DZIP1: variants seen among roughly 807,000 people sequenced by gnomAD.
DZIP1 encodes the protein DAZ interacting zinc finger protein 1.
A neutral mutation model predicts 107.6 loss-of-function variants in DZIP1; 97 were observed. The observed-to-expected ratio is 0.90, with a 90% CI of 0.77 to 1.07. The LOEUF (loss-of-function observed/expected upper bound fraction) is 1.07. DZIP1 is among the 50% of genes least tolerant of loss of function. The probability of loss-of-function intolerance (pLI) is 0.00; values close to 1 mark genes in which losing one functional copy is unlikely to be tolerated. For missense variants in DZIP1, 1,035 were observed against 1,063.6 expected (o/e 0.97, Z 0.37); for synonymous variants, 390 against 386.4 (o/e 1.01, Z -0.11).
intron 8 of DZIP1, among the ~76,000 whole-genome samples, chr13:95,624,520 A>G (rs1243508535): frequency 1.3e-5 from 2 of 152,238 alleles, no homozygotes; most frequent in East Asian, 1.9e-4. Context: ...AGGGACCATC[A>G]TAGAAGAGGG....
rs769986451 is a variant in DZIP1, at chr13:95,622,442, C to T, written c.1011G>A (p.Lys337=). The change falls in exon 9 of 23, where the codon AAG becomes AAA. Residue 337 remains lysine (K), a synonymous_variant. Transcript: ENST00000376829. ...CATCTTTTAATGTGCCTATGTTGGACTTGATCTGCATATTGGACTTCTGGA... is the reference window on the plus strand; with the variant it reads ...CATCTTTTAATGTGCCTATGTTGGATTTGATCTGCATATTGGACTTCTGGA... ...SEIQKSNMQI[K]SNIGTLKDAH... is the part of the protein sequence containing the mutation. 5.0e-6 allele frequency: 8 copies of T among 1,614,056 alleles called. No individual in the cohort carries two copies. The highest frequency in any genetic ancestry group is 1.7e-5 in the Admixed American group (1 of 60,004).
intron 16 of DZIP1, among the ~76,000 whole-genome samples, chr13:95,591,470 C>T (rs555246980): frequency 2.6e-5 from 4 of 152,192 alleles, no homozygotes; most frequent in Non-Finnish European, 5.9e-5. Flanking sequence ...ACAGCTACCT[C>T]CCATCTTTGT....
Position 95,590,023 on chromosome 13 carries a change from T to C in DZIP1, c.1844-91A>G. 6 of 1,462,170 alleles carry C rather than the reference T, an allele frequency of 4.1e-6. No homozygotes were observed. The South Asian group carries it at 4.1e-5, about 10-fold the overall frequency. The allele number at this position is 1,462,170 out of a possible 1,614,324, so 90.6% of individuals were successfully genotyped here. A position where few individuals can be genotyped will look rare whatever the true frequency, so the allele number is the denominator to read the frequency against. On this transcript the variant is annotated intron_variant, in intron 17 of 22. Transcript: ENST00000376829. ...AACGGTATAATACCCCCTATGCTGCTGTGGCAATGAACAATCCCATCTCTA... is the reference window on the plus strand; with the variant it reads ...AACGGTATAATACCCCCTATGCTGCCGTGGCAATGAACAATCCCATCTCTA...
intron 8 of DZIP1, among the ~76,000 whole-genome samples, chr13:95,623,183 G>GT (rs1171823610): frequency 6.6e-6 from 1 of 152,100 alleles, no homozygotes; most frequent in South Asian, 2.1e-4. Context: ...GGGACATAAC[G>GT]TTTTTAATTT....
chr13:95,610,409 C>G (rs865793792), intron 12 of DZIP1, among the ~76,000 whole-genome samples: 2 of 151,556 alleles, frequency 1.3e-5, no homozygotes, highest in South Asian at 2.1e-4. Context: ...TTTCTGGGCT[C>G]GAGTGATTCT....
At chr13:95,638,805 G>A (rs1878143601) in intron 5 of DZIP1, among the ~76,000 whole-genome samples, 2 of 152,316 alleles carry the variant, frequency 1.3e-5, no homozygotes, top group South Asian at 4.1e-4. Flanking sequence ...AAAGCAAAGG[G>A]AGTAGAGACA....
chr13:95,633,471 T>C (rs1166249315), intron 5 of DZIP1, 150 bp from the exon 6 acceptor site: 2 of 638,028 alleles, frequency 3.1e-6, no homozygotes, highest in Admixed American at 2.8e-5. Flanking sequence ...TCACCCAAGG[T>C]TAGAAGTTTG....
rs563849089 is a variant in DZIP1, at chr13:95,610,861, C to T, written c.1363+584G>A. 3.4e-4 allele frequency among the ~76,000 whole-genome samples: 52 copies of T among 152,296 alleles called. No homozygotes were observed. In the East Asian group the frequency reaches 8.7e-3, roughly 25 times the overall value. On this transcript the variant is annotated intron_variant, in intron 12 of 22. Transcript: ENST00000376829. Reference sequence around the variant, plus strand: ...GTTTGACCCAATTTCCTTTCTCTGTCTCATGCATTAGCTGGCCAGGTGATG... The same window carrying T: ...GTTTGACCCAATTTCCTTTCTCTGTTTCATGCATTAGCTGGCCAGGTGATG...
chr13:95,601,491 T>C (rs1462712243), intron 14 of DZIP1, among the ~76,000 whole-genome samples: 1 of 152,166 alleles, frequency 6.6e-6, no homozygotes, highest in African/African-American at 2.4e-5. Flanking sequence ...GTCCTCTAAC[T>C]AGCCCTGCCC....
chr13:95,592,553 C>A (rs1789038522), intron 16 of DZIP1, among the ~76,000 whole-genome samples: 1 of 152,182 alleles, frequency 6.6e-6, no homozygotes, highest in African/African-American at 2.4e-5. Flanking sequence ...TGAGTTGGTA[C>A]AAGGACTTTG....
At position 95,609,471 on chromosome 13, in the gene DZIP1, G is replaced by A; in HGVS notation, c.1406C>T (p.Ala469Val). 6.3e-7 allele frequency: 1 copy of A among 1,580,080 alleles called. No homozygotes were observed. Among genetic ancestry groups the A allele is most frequent in the Non-Finnish European group, 8.6e-7 (1 of 1,163,866 alleles). Residue 469 changes from alanine to valine, a missense_variant, in exon 13 of 23, where the codon GCT (alanine) becomes GTT (valine). By Grantham distance (64) the Ala-to-Val change is moderately conservative. Transcript: ENST00000376829. The stretch of plus-strand genomic sequence containing the variant: ...TAGGAACTTACTAGGCACAGCTGGA[G>A]CAGCTGGCTGAGATTCAAAAGCCTG... ...AWQAFESQPAAPAVPMNAPAL... is the reference protein window; with the variant it reads ...AWQAFESQPAVPAVPMNAPAL...
rs544141050 is a variant in DZIP1, at chr13:95,641,172, CTG to C, written c.597+121_597+122del. The C allele has an allele frequency of 1.3e-3, 1,773 of 1,361,954 alleles. 4 individuals carry two copies. Among genetic ancestry groups the C allele is most frequent in the Non-Finnish European group, 1.6e-3 (1,604 of 1,018,688 alleles). The allele number at this position is 1,361,954 out of a possible 1,614,324, so 84.4% of individuals were successfully genotyped here. ...AAATGACTGTTTTTGCTTAAATATACTGTGTCTTCTGATATACAATATAAATC... is the reference window on the plus strand; with the variant it reads ...AAATGACTGTTTTTGCTTAAATATACTGTCTTCTGATATACAATATAAATC... On this transcript the variant is annotated intron_variant, in intron 5 of 22. Transcript: ENST00000376829. This position sits in a 1 kb window ranked among gnomAD's most constrained non-coding sequence, Gnocchi z 4.3.
chr13:95,604,359 C>G (rs1363339930), intron 14 of DZIP1, among the ~76,000 whole-genome samples: 2 of 152,238 alleles, frequency 1.3e-5, no homozygotes, highest in East Asian at 3.8e-4. Flanking sequence ...GGGAAGCTGG[C>G]CTGACGGGGT....
At chr13:95,601,794 T>TC in intron 14 of DZIP1, among the ~76,000 whole-genome samples, 1 of 152,296 alleles carries the variant, frequency 6.6e-6, no homozygotes, top group South Asian at 2.1e-4. Context: ...GCCACCGCTG[T>TC]CCACCCATTA....
intron 10 of DZIP1, chr13:95,617,877 T>C (rs753141668): frequency 7.7e-6 from 4 of 518,452 alleles, no homozygotes; most frequent in Middle Eastern, 3.2e-4. Context: ...ACTGGTTCCA[T>C]AGAGTGGGCC....
intron 15 of DZIP1, among the ~76,000 whole-genome samples, chr13:95,598,792 A>C (rs1316498056): frequency 2.0e-5 from 3 of 152,130 alleles, no homozygotes; most frequent in Admixed American, 1.3e-4. Context: ...AATTGACAGA[A>C]AATAATTTTT....
Position 95,579,607 on chromosome 13 carries a change from G to A in DZIP1, c.*2627C>T, listed in dbSNP as rs772212309. On this transcript the variant is annotated 3_prime_UTR_variant, in exon 23 of 23. Transcript: ENST00000376829. The stretch of plus-strand genomic sequence containing the variant: ...GTTATCTTTGAGTAAGAAACTGTCC[G>A]ATATGAATCACAACGTGGGTGAATG... 18 of 152,222 alleles carry A rather than the reference G, an allele frequency of 1.2e-4. No individual in the cohort carries two copies. The highest frequency in any genetic ancestry group is 1.9e-4 in the East Asian group (1 of 5,182). 9.4% of individuals were successfully genotyped at this position (152,222 alleles called of 1,614,324 possible).
At chr13:95,636,928 G>A (rs896891573) in intron 5 of DZIP1, 6 of 152,020 alleles carry the variant, frequency 3.9e-5, no homozygotes, top group Admixed American at 3.9e-4. Context: ...TAGGCTTCAA[G>A]CAGAAAGAAG....
At chr13:95,592,530 G>A (rs575640004) in intron 16 of DZIP1, among the ~76,000 whole-genome samples, 11 of 152,282 alleles carry the variant, frequency 7.2e-5, no homozygotes, top group East Asian at 5.8e-4. Context: ...CTCAAACACC[G>A]TTAGGGACAG....
Sources: gnomAD v4.1 joint callset for allele counts (sites outside exome capture counted in the v4.1 genomes callset) on GRCh38, gnomAD v4.1.1 for gene constraint, Gnocchi (gnomAD v3.1) non-coding constraint, MANE v1.5 for transcripts, NCBI Gene and HGNC (gene_info 2026-07-23, HGNC 2026-07-21) for gene names.